RORA: variants seen among roughly 807,000 people sequenced by gnomAD.
RORA encodes RAR related orphan receptor A.
Under a neutral mutation model 69.5 loss-of-function variants are expected in RORA, and 7 were observed. The ratio of observed to expected loss-of-function variants is 0.10; its 90% CI spans 0.06 to 0.19. The LOEUF is 0.19. Among genes scored for constraint, RORA ranks in the 10% least tolerant of loss-of-function variants. RORA has a pLI of 1.00. For synonymous variants in RORA, 261 were observed against 240.8 expected (o/e 1.08, Z -0.78); for missense variants, 457 against 663.0 (o/e 0.69, Z 3.41).
intron 3 of RORA, among the ~76,000 whole-genome samples, chr15:60,518,595 C>A (rs367704129): frequency 1.3e-5 from 2 of 152,234 alleles, no homozygotes; most frequent in East Asian, 3.8e-4. Flanking sequence ...CAGGCCCTTA[C>A]GCTTCTCGCC....
intron 2 of RORA, among the ~76,000 whole-genome samples, chr15:60,632,707 T>C (rs1348230443): frequency 1.8e-4 from 28 of 152,050 alleles, no homozygotes; most frequent in Admixed American, 1.8e-3. Context: ...ACGCATCGGG[T>C]GTCCTACTTA....
chr15:60,880,582 T>C lies in RORA; in HGVS notation c.167-201896A>G, dbSNP rs190066864. On this transcript the variant is annotated intron_variant, in intron 1 of 10. Transcript: ENST00000335670. ...TGAACCCAGGAGGCGGAGGTTGCAGTGAGCCAAGATCATGCCACTGCACTC... is the reference window on the plus strand; with the variant it reads ...TGAACCCAGGAGGCGGAGGTTGCAGCGAGCCAAGATCATGCCACTGCACTC... Among the ~76,000 whole-genome samples the C allele has an allele frequency of 2.8e-3, 423 of 152,232 alleles. 3 individuals are homozygous for C. Among genetic ancestry groups the C allele is most frequent in the African/African-American group, 9.9e-3 (409 of 41,518 alleles).
chr15:61,000,967 T>C (rs1468915905), intron 1 of RORA, among the ~76,000 whole-genome samples: 1 of 152,186 alleles, frequency 6.6e-6, no homozygotes, highest in Non-Finnish European at 1.5e-5. Flanking sequence ...CTCCAGCTCA[T>C]GATGATCTTT....
chr15:60,805,681 A>G (rs917281119), intron 1 of RORA, among the ~76,000 whole-genome samples: 1 of 152,210 alleles, frequency 6.6e-6, no homozygotes, highest in South Asian at 2.1e-4. Flanking sequence ...TGGTAGGTCT[A>G]TGAACACTCT....
chr15:60,607,568 G>A (rs944254910), intron 2 of RORA, among the ~76,000 whole-genome samples: 1 of 152,110 alleles, frequency 6.6e-6, no homozygotes, highest in Non-Finnish European at 1.5e-5. Flanking sequence ...AAAATAAAGC[G>A]TGTTCCATAG....
At chr15:60,925,384 T>G (rs1408465473) in intron 1 of RORA, among the ~76,000 whole-genome samples, 1 of 152,236 alleles carries the variant, frequency 6.6e-6, no homozygotes, top group African/African-American at 2.4e-5. Flanking sequence ...GGAGACAGGC[T>G]GGACCAGTAA....
chr15:60,488,832 T>G lies in RORA; in HGVS notation c.*8623A>C, dbSNP rs527922292. The G allele has an allele frequency of 2.0e-5, 3 of 151,992 alleles. No homozygotes were observed. Among genetic ancestry groups the G allele is most frequent in the African/African-American group, 7.2e-5 (3 of 41,408 alleles). 9.4% of individuals were successfully genotyped at this position (151,992 alleles called of 1,614,324 possible). On this transcript the variant is annotated 3_prime_UTR_variant, in exon 11 of 11. Transcript: ENST00000335670. ...CAAACAGAAGTTTGTGAAATTTGTG[T>G]GCTTAATCCTCAAGACCTACACACA...
At chr15:61,026,419 C>T (rs769058341) in intron 1 of RORA, among the ~76,000 whole-genome samples, 16 of 152,174 alleles carry the variant, frequency 1.1e-4, no homozygotes, top group Non-Finnish European at 1.9e-4. Flanking sequence ...ATTCTGTTCA[C>T]TTTTTATACA....
chr15:61,201,509 G>C (rs1166457649), intron 1 of RORA, among the ~76,000 whole-genome samples: 3 of 152,188 alleles, frequency 2.0e-5, no homozygotes, highest in Non-Finnish European at 2.9e-5. Flanking sequence ...GACAGTAATT[G>C]GGTGATTTGC....
intron 1 of RORA, among the ~76,000 whole-genome samples, chr15:60,918,494 C>A (rs910809351): frequency 6.6e-6 from 1 of 152,096 alleles, no homozygotes; most frequent in African/African-American, 2.4e-5. Context: ...ATGGTAATTA[C>A]GATTGGAATT....
intron 2 of RORA, among the ~76,000 whole-genome samples, chr15:60,597,640 A>G (rs1937943531): frequency 1.1e-5 from 1 of 89,514 alleles, no homozygotes; most frequent in African/African-American, 4.7e-5. Context: ...ATACATATAT[A>G]TATATATATG....
At chr15:60,838,871 CACACACACACACACACATATACT>C (rs1272245312) in intron 1 of RORA, among the ~76,000 whole-genome samples, 1 of 82,278 alleles carries the variant, frequency 1.2e-5, no homozygotes, top group East Asian at 3.9e-4. Flanking sequence ...CACACACACA[CACACACACACACACACATATACT>C]TTTTTTTTTT....
chr15:61,071,015 G>A (rs1025985571), intron 1 of RORA, among the ~76,000 whole-genome samples: 2 of 151,412 alleles, frequency 1.3e-5, no homozygotes, highest in African/African-American at 4.9e-5. Context: ...TAATCTAACG[G>A]ACTCCTCTGC....
At chr15:60,725,300 A>T (rs1185733703) in intron 1 of RORA, among the ~76,000 whole-genome samples, 2 of 152,090 alleles carry the variant, frequency 1.3e-5, no homozygotes, top group Admixed American at 6.5e-5. Context: ...TATTACCTGG[A>T]CTATTTACTT....
At chr15:61,222,039 G>A (rs1391632071) in intron 1 of RORA, among the ~76,000 whole-genome samples, 2 of 151,908 alleles carry the variant, frequency 1.3e-5, no homozygotes, top group Admixed American at 6.6e-5. Context: ...TCTAGGCTAG[G>A]AGATTATAAA....
chr15:60,775,131 G>T (rs1289924332), intron 1 of RORA, among the ~76,000 whole-genome samples: 1 of 151,880 alleles, frequency 6.6e-6, no homozygotes, highest in East Asian at 1.9e-4. Flanking sequence ...CTTAAGTTCC[G>T]TAAACTTGTG....
chr15:61,022,677 C>G (rs1038914543), intron 1 of RORA, among the ~76,000 whole-genome samples: 12 of 152,090 alleles, frequency 7.9e-5, no homozygotes, highest in African/African-American at 9.7e-5. Flanking sequence ...ATGTGACCCC[C>G]TAGACACATT....
chr15:60,700,820 C>G (rs1173469749), intron 1 of RORA, among the ~76,000 whole-genome samples: 2 of 152,176 alleles, frequency 1.3e-5, no homozygotes, highest in Non-Finnish European at 2.9e-5. Context: ...AGATCCAAAG[C>G]AGGGCTTCAC....
intron 2 of RORA, among the ~76,000 whole-genome samples, chr15:60,617,659 C>CAGAG (rs10594406): frequency 0.19 from 27,097 of 141,214 alleles, 2,599 homozygotes; most frequent in East Asian, 0.35. Context: ...CACATACAGA[C>CAGAG]AGAGAGAGAG....
Sources: allele counts gnomAD v4.1 joint callset (sites outside exome capture counted in the v4.1 genomes callset), GRCh38; gene constraint gnomAD v4.1.1; transcripts MANE v1.5; gene names NCBI Gene and HGNC (gene_info 2026-07-23, HGNC 2026-07-21).